CRTC3: variants seen among roughly 807,000 people sequenced by gnomAD.
The protein encoded by CRTC3 is CREB regulated transcription coactivator 3, also known as CREB-regulated transcription coactivator 3.
A neutral mutation model predicts 74.5 loss-of-function variants in CRTC3; 26 were observed. The ratio of observed to expected loss-of-function variants is 0.35; its 90% CI spans 0.26 to 0.48. The LOEUF (loss-of-function observed/expected upper bound fraction) is 0.48, where lower values mean the gene tolerates loss of function less well. Among genes scored for constraint, CRTC3 ranks in the 20% least tolerant of loss-of-function variants. The pLI is 0.99. For synonymous variants in CRTC3, 377 were observed against 325.8 expected (o/e 1.16, Z -1.69); for missense variants, 760 against 787.3 (o/e 0.97, Z 0.41).
chr15:90,629,179 A>T, intron 10 of CRTC3, 55 bp from the exon 11 acceptor site: 2 of 1,531,290 alleles, frequency 1.3e-6, no homozygotes, highest in East Asian at 4.5e-5. Context: ...CATTTTTGGA[A>T]TACAAAAGAT....
In CRTC3 at chr15:90,643,355, C is replaced by G. The variant is rs1969518094; in HGVS notation, c.*1215C>G. ...CATGCACTTTAATATGCTTTTAACA[C>G]TAGGTGACCAAATCACAGTGAAGCC... On this transcript the variant is annotated 3_prime_UTR_variant, in exon 15 of 15. Transcript: ENST00000268184. 4.4e-6 allele frequency: 1 copy of G among 229,490 alleles called. No homozygotes were observed. Among genetic ancestry groups the G allele is most frequent in the Non-Finnish European group, 8.6e-6 (1 of 115,754 alleles). 14.2% of individuals were successfully genotyped at this position (229,490 alleles called of 1,614,324 possible).
At chr15:90,598,589 G>C in intron 3 of CRTC3, 1 of 697,106 alleles carries the variant, frequency 1.4e-6, no homozygotes, top group Non-Finnish European at 2.6e-6. Context: ...TGAGTGTCTT[G>C]GTGGACGGTG....
chr15:90,570,520 A>T (rs1239780273), intron 2 of CRTC3, among the ~76,000 whole-genome samples: 1 of 152,188 alleles, frequency 6.6e-6, no homozygotes, highest in Admixed American at 6.5e-5. Context: ...TCAGTAATAC[A>T]TATGTTATAT....
chr15:90,570,480 A>C (rs966600129), intron 2 of CRTC3, among the ~76,000 whole-genome samples: 2 of 152,220 alleles, frequency 1.3e-5, no homozygotes, highest in African/African-American at 2.4e-5. Flanking sequence ...ACTGTTAGGG[A>C]CATCCTCAGT....
intron 2 of CRTC3, among the ~76,000 whole-genome samples, chr15:90,551,443 A>C (rs559069176): frequency 1.3e-5 from 2 of 152,304 alleles, no homozygotes; most frequent in Admixed American, 6.5e-5. Context: ...GATTAAATAC[A>C]ATTAAAAATT....
At chr15:90,537,119 TG>T (rs1465794936) in intron 1 of CRTC3, among the ~76,000 whole-genome samples, 2 of 152,212 alleles carry the variant, frequency 1.3e-5, no homozygotes, top group Non-Finnish European at 2.9e-5. Flanking sequence ...AACATGAAGG[TG>T]TTGAAGACAG....
At chr15:90,549,285 GGTGTGT>G (rs35240328) in intron 2 of CRTC3, among the ~76,000 whole-genome samples, 1 of 150,518 alleles carries the variant, frequency 6.6e-6, no homozygotes, top group African/African-American at 2.4e-5. Context: ...CTTTGTTCAT[GGTGTGT>G]GTGTGTGTGT....
intron 3 of CRTC3, chr15:90,599,127 AT>A (rs35857304): frequency 3.6e-4 from 53 of 148,188 alleles, no homozygotes; most frequent in Non-Finnish European, 4.1e-4. Flanking sequence ...GAGTGTGGGG[AT>A]TTTTTTTTTT....
rs546837186 is a variant in CRTC3 at position 90,638,507 on chromosome 15, C to T, written c.1328C>T (p.Ser443Leu). Residue 443 changes from serine to leucine, a missense_variant, in exon 12 of 15, where the codon TCG becomes TTG. Coordinates refer to ENST00000268184, the MANE Select transcript of CRTC3 (RefSeq NM_022769.5). ...CCCACAGAAGCTCAAGCCCAGGTGT[C>T]GCCGCCACCCCCTTACCCTGCACCC... ...FLPTEAQAQV[S>L]PPPPYPAPQE... 39 of 1,613,964 alleles carry T rather than the reference C, an allele frequency of 2.4e-5. No individual in the cohort carries two copies. The highest frequency in any genetic ancestry group is 2.2e-4 in the Admixed American group (13 of 60,016).
At chr15:90,550,110 C>G (rs1393339907) in intron 2 of CRTC3, among the ~76,000 whole-genome samples, 4 of 151,506 alleles carry the variant, frequency 2.6e-5, no homozygotes, top group Non-Finnish European at 5.9e-5. Flanking sequence ...CCTAGGATGA[C>G]TTACATTTGT....
rs115341509 is a variant in CRTC3 at position 90,593,861 on chromosome 15, A to G, written c.351+106A>G. 2,479 of 1,205,004 alleles carry G rather than the reference A, an allele frequency of 2.1e-3. 32 individuals are homozygous for G. The African/African-American group carries it at 0.032, about 15-fold the overall frequency. The allele number at this position is 1,205,004 out of a possible 1,614,324, so 74.6% of individuals were successfully genotyped here. A position where few individuals can be genotyped will look rare whatever the true frequency, so the allele number is the denominator to read the frequency against. On this transcript the variant is annotated intron_variant, in intron 3 of 14. Transcript: ENST00000268184. ...TCCTTTGGCCTCAGAATCTTCATTTATCTGATGAAAGGAGGCAATACAAAT... is the reference window on the plus strand; with the variant it reads ...TCCTTTGGCCTCAGAATCTTCATTTGTCTGATGAAAGGAGGCAATACAAAT...
chr15:90,533,072 A>G (rs1409670770), intron 1 of CRTC3, among the ~76,000 whole-genome samples: 256 of 74,312 alleles, frequency 3.4e-3, no homozygotes, highest in Middle Eastern at 0.024. Flanking sequence ...GCGACAGAGC[A>G]AGACTTCATC....
At chr15:90,605,099 A>G (rs1170486602) in intron 5 of CRTC3, among the ~76,000 whole-genome samples, 2 of 146,040 alleles carry the variant, frequency 1.4e-5, no homozygotes, top group Non-Finnish European at 1.5e-5. Context: ...TGTCTCTATG[A>G]AAAAAAAAAA....
chr15:90,622,410 C>T (rs188979583), intron 9 of CRTC3, among the ~76,000 whole-genome samples: 1 of 152,320 alleles, frequency 6.6e-6, no homozygotes, highest in East Asian at 1.9e-4. Context: ...GCTCTCTCTG[C>T]CTTCACTCCC....
chr15:90,539,915 C>T (rs1288750092), intron 1 of CRTC3, 124 bp from the exon 2 acceptor site: 4 of 713,294 alleles, frequency 5.6e-6, no homozygotes, highest in African/African-American at 3.6e-5. Flanking sequence ...TGATCACTTA[C>T]GTCGAGAAGA....
intron 1 of CRTC3, among the ~76,000 whole-genome samples, chr15:90,538,161 A>G (rs1427770656): frequency 1.3e-5 from 2 of 152,252 alleles, no homozygotes; most frequent in African/African-American, 4.8e-5. Context: ...CAGTAAATCA[A>G]TGGATAAATT....
At chr15:90,539,429 T>C (rs1395563724) in intron 1 of CRTC3, among the ~76,000 whole-genome samples, 1 of 151,986 alleles carries the variant, frequency 6.6e-6, no homozygotes, top group Admixed American at 6.6e-5. Context: ...TATTATAAAC[T>C]CTTTGGGAAA....
Position 90,530,277 on chromosome 15 carries a change from C to G in CRTC3, c.132+74C>G, listed in dbSNP as rs918259982. ...GACCCGCGCGGCGGGTGAGAGGTTG[C>G]GGGGCCAAGGCGATGGCGGGGCCGG... On this transcript the variant is annotated intron_variant, in intron 1 of 14. Coordinates refer to ENST00000268184, the MANE Select transcript of CRTC3 (RefSeq NM_022769.5). The surrounding 1 kb of genome is among the most constrained non-coding windows in gnomAD (Gnocchi z 6.2). 6 of 916,028 alleles carry G rather than the reference C, an allele frequency of 6.6e-6. No individual in the cohort carries two copies. Among genetic ancestry groups the G allele is most frequent in the African/African-American group, 1.8e-5 (1 of 55,230 alleles). 56.7% of individuals were successfully genotyped at this position (916,028 alleles called of 1,614,324 possible).
intron 2 of CRTC3, among the ~76,000 whole-genome samples, chr15:90,567,405 G>C (rs1463030979): frequency 6.6e-6 from 1 of 152,026 alleles, no homozygotes; most frequent in Non-Finnish European, 1.5e-5. Flanking sequence ...TATTACTCCT[G>C]GCTGGGCTTG....
Sources: allele counts gnomAD v4.1 joint callset (sites outside exome capture counted in the v4.1 genomes callset), GRCh38; gene constraint gnomAD v4.1.1; non-coding constraint Gnocchi (gnomAD v3.1); transcripts MANE v1.5; gene names NCBI Gene and HGNC (gene_info 2026-07-23, HGNC 2026-07-21).